The following NALF1 variants were observed in gnomAD, a reference collection of about 807,000 sequenced individuals.
NALF1 encodes NALCN channel auxiliary factor 1.
NALF1 carries 3 observed loss-of-function variants against 48.4 expected under a neutral mutation model. The observed-to-expected ratio is 0.06, with a 90% CI of 0.03 to 0.16. The LOEUF is 0.16. NALF1 is among the 10% of genes least tolerant of loss of function. The pLI is 1.00. For missense variants in NALF1, 526 were observed against 571.5 expected (o/e 0.92, Z 0.81); for synonymous variants, 262 against 245.7 (o/e 1.07, Z -0.62).
At chr13:107,198,122 T>A (rs1039851859) in intron 2 of NALF1, among the ~76,000 whole-genome samples, 5 of 152,234 alleles carry the variant, frequency 3.3e-5, no homozygotes, top group Non-Finnish European at 5.9e-5. Flanking sequence ...TTTTTCTTTT[T>A]AAATAGGTTT....
chr13:107,828,602 TCTATACACACACACACACAC>T (rs1879600291), intron 1 of NALF1, among the ~76,000 whole-genome samples: 3 of 43,284 alleles, frequency 6.9e-5, no homozygotes, highest in Non-Finnish European at 2.3e-4. Flanking sequence ...TATATCTATA[TCTATACACACACACACACAC>T]ACACACACAC....
intron 1 of NALF1, among the ~76,000 whole-genome samples, chr13:107,800,872 C>G (rs1336658174): frequency 6.6e-6 from 1 of 151,544 alleles, no homozygotes; most frequent in Non-Finnish European, 1.5e-5. Flanking sequence ...AGTATGATGT[C>G]TCTTGCTCAA....
intron 1 of NALF1, among the ~76,000 whole-genome samples, chr13:107,669,428 C>T (rs976527133): frequency 6.6e-6 from 1 of 152,042 alleles, no homozygotes; most frequent in Non-Finnish European, 1.5e-5. Flanking sequence ...AATAAAAAAA[C>T]GGGAACACGT....
At chr13:107,268,950 T>C (rs1271952173) in intron 1 of NALF1, among the ~76,000 whole-genome samples, 4 of 152,062 alleles carry the variant, frequency 2.6e-5, no homozygotes, top group Non-Finnish European at 5.9e-5. Context: ...AGTAATGTGA[T>C]TAGATGAGTG....
intron 1 of NALF1, among the ~76,000 whole-genome samples, chr13:107,506,375 A>C (rs1875695904): frequency 6.6e-6 from 1 of 152,204 alleles, no homozygotes; most frequent in South Asian, 2.1e-4. Context: ...AAAACAAAAT[A>C]GTACATTTTA....
chr13:107,862,509 T>C (rs1214753320), intron 1 of NALF1, among the ~76,000 whole-genome samples: 1 of 152,110 alleles, frequency 6.6e-6, no homozygotes, highest in Non-Finnish European at 1.5e-5. Flanking sequence ...ATTTATGTAA[T>C]GTAGCAAAAT....
chr13:107,267,566 G>A (rs1244759184), intron 1 of NALF1, among the ~76,000 whole-genome samples: 1 of 152,190 alleles, frequency 6.6e-6, no homozygotes, highest in African/African-American at 2.4e-5. Context: ...TCCACTCATT[G>A]GAGAAGGATG....
At chr13:107,263,688 G>C (rs1432878305) in intron 1 of NALF1, among the ~76,000 whole-genome samples, 1 of 152,096 alleles carries the variant, frequency 6.6e-6, no homozygotes, top group South Asian at 2.1e-4. Flanking sequence ...CACCATGATT[G>C]TGATGCCTCC....
chr13:107,577,698 C>T (rs1206111631), intron 1 of NALF1, among the ~76,000 whole-genome samples: 1 of 152,058 alleles, frequency 6.6e-6, no homozygotes, highest in Non-Finnish European at 1.5e-5. Context: ...ATTTTCTCTC[C>T]CTCAAGTTTT....
At chr13:107,343,890 A>G (rs1882726843) in intron 1 of NALF1, among the ~76,000 whole-genome samples, 1 of 152,160 alleles carries the variant, frequency 6.6e-6, no homozygotes, top group Admixed American at 6.5e-5. Context: ...ACAGAAAAAC[A>G]AGAAGAAAAA....
chr13:107,208,151 T>C (rs866025244), intron 2 of NALF1, among the ~76,000 whole-genome samples: 4 of 152,222 alleles, frequency 2.6e-5, no homozygotes, highest in Admixed American at 6.5e-5. Flanking sequence ...TTATTCCATA[T>C]ATTTTCGAGC....
chr13:107,672,837 T>C (rs895186671), intron 1 of NALF1, among the ~76,000 whole-genome samples: 3 of 152,156 alleles, frequency 2.0e-5, no homozygotes, highest in African/African-American at 7.2e-5. Flanking sequence ...ACTGTGGACT[T>C]TGTTGTCCCC....
rs1331307342 is a variant in NALF1 at position 107,488,208 on chromosome 13, C to CA, written c.916-277454dup. Among the ~76,000 whole-genome samples, 431 of 135,756 alleles carry CA rather than the reference C, an allele frequency of 3.2e-3. 1 individual carries two copies. The highest frequency in any genetic ancestry group is 8.7e-3 in the South Asian group (37 of 4,266). The allele number at this position is 135,756 out of a possible 152,430, so 89.1% of individuals were successfully genotyped here. A position where few individuals can be genotyped will look rare whatever the true frequency, so the allele number is the denominator to read the frequency against. ...TCTATTATTTTATTAACTTTTTTTT[C>CA]AAAAAAAAAAACACCTCCTGAATTC... On this transcript the variant is annotated intron_variant, in intron 1 of 2. Transcript: ENST00000375915.
At chr13:107,323,763 T>G (rs2138916341) in intron 1 of NALF1, among the ~76,000 whole-genome samples, 1 of 152,314 alleles carries the variant, frequency 6.6e-6, no homozygotes, top group African/African-American at 2.4e-5. Flanking sequence ...GTCCCTGGTC[T>G]TATGTTTATC....
intron 2 of NALF1, among the ~76,000 whole-genome samples, chr13:107,171,277 C>T (rs1026628650): frequency 1.3e-5 from 2 of 152,232 alleles, no homozygotes; most frequent in African/African-American, 4.8e-5. Context: ...CTCTCCCCCT[C>T]TCTGGGAGAA....
intron 1 of NALF1, among the ~76,000 whole-genome samples, chr13:107,401,728 TG>T (rs1304577166): frequency 6.6e-6 from 1 of 152,054 alleles, no homozygotes; most frequent in African/African-American, 2.4e-5. Context: ...CTTTTCCTGC[TG>T]TAATAATTGC....
chr13:107,704,358 A>T (rs1881896685), intron 1 of NALF1, among the ~76,000 whole-genome samples: 1 of 152,156 alleles, frequency 6.6e-6, no homozygotes, highest in Admixed American at 6.5e-5. Flanking sequence ...CATTAGATCT[A>T]AGACTTCCTG....
At chr13:107,580,582 T>A (rs1178596470) in intron 1 of NALF1, among the ~76,000 whole-genome samples, 1 of 152,280 alleles carries the variant, frequency 6.6e-6, no homozygotes, top group East Asian at 1.9e-4. Flanking sequence ...CATATTATTT[T>A]CGGTATGTCA....
rs1412503470 is a variant in NALF1 at position 107,867,427 on chromosome 13, C to G, written c.-831G>C. ...GCCGAATCGCCTGGGCTGGGCCTCCCGAGAGCCACAGTCATCTTCAGTCCG... is the reference window on the plus strand; with the variant it reads ...GCCGAATCGCCTGGGCTGGGCCTCCGGAGAGCCACAGTCATCTTCAGTCCG... On this transcript the variant is annotated 5_prime_UTR_variant, in exon 1 of 3. Transcript: ENST00000375915. This position sits in a 1 kb window ranked among gnomAD's most constrained non-coding sequence, Gnocchi z 4.4. Among the ~76,000 whole-genome samples, 1 of 149,150 alleles carries G rather than the reference C, an allele frequency of 6.7e-6. No individual in the cohort carries two copies. The highest frequency in any genetic ancestry group is 1.5e-5 in the Non-Finnish European group (1 of 67,046).
Sources: gnomAD v4.1 joint callset for allele counts (sites outside exome capture counted in the v4.1 genomes callset) on GRCh38, gnomAD v4.1.1 for gene constraint, Gnocchi (gnomAD v3.1) non-coding constraint, MANE v1.5 for transcripts, NCBI Gene and HGNC (gene_info 2026-07-23, HGNC 2026-07-21) for gene names.